POLR1A: variants seen among roughly 807,000 people sequenced by gnomAD.
POLR1A encodes RNA polymerase I subunit A.
Under a neutral mutation model 205.3 loss-of-function variants are expected in POLR1A, and 84 were observed. That is an observed-to-expected ratio of 0.41 (90% CI 0.34 to 0.49). POLR1A has a LOEUF of 0.49. Ranked by LOEUF, POLR1A falls within the 20% of genes least tolerant of loss-of-function variation. POLR1A has a pLI of 0.22. For synonymous variants in POLR1A, 799 were observed against 863.7 expected (o/e 0.93, Z 1.31); for missense variants, 1,645 against 2,204.5 (o/e 0.75, Z 5.08).
chr2:86,061,446 C>T (rs1279270364), intron 14 of POLR1A, among the ~76,000 whole-genome samples: 1 of 152,176 alleles, frequency 6.6e-6, no homozygotes, highest in African/African-American at 2.4e-5. Flanking sequence ...TTATTACAAG[C>T]ATTTTGGAAA....
intron 14 of POLR1A, among the ~76,000 whole-genome samples, chr2:86,065,067 A>G (rs1366866959): frequency 6.6e-6 from 1 of 152,138 alleles, no homozygotes; most frequent in African/African-American, 2.4e-5. Flanking sequence ...GAGCCACTGC[A>G]CCAGGCTACT....
At position 86,023,633 on chromosome 2, in the gene POLR1A, A is replaced by C. The variant is rs1490872372; in HGVS notation, c.*3790T>G. ...TTGTACACCGTTGGTGGGAACATAA[A>C]ATGGTGTAGCTGCTGTGGAAAATGG... On this transcript the variant is annotated 3_prime_UTR_variant, in exon 34 of 34. Transcript: ENST00000263857. 6.6e-6 allele frequency: 1 copy of C among 152,230 alleles called. No homozygotes were observed. The highest frequency in any genetic ancestry group is 1.5e-5 in the Non-Finnish European group (1 of 68,048). The allele number at this position is 152,230 out of a possible 1,614,324, so 9.4% of individuals were successfully genotyped here.
intron 27 of POLR1A, among the ~76,000 whole-genome samples, chr2:86,037,676 C>A (rs1399412143): frequency 6.6e-6 from 1 of 152,254 alleles, no homozygotes; most frequent in Non-Finnish European, 1.5e-5. Context: ...CCAGATCCTG[C>A]AACAGATGAG....
At chr2:86,039,189 G>A in intron 26 of POLR1A, 138 bp downstream of exon 26, 1 of 921,118 alleles carries the variant, frequency 1.1e-6, no homozygotes, top group Non-Finnish European at 1.7e-6. Flanking sequence ...CTCAGCACCT[G>A]GCAGAGACAG....
chr2:86,039,428 T>A lies in POLR1A; in HGVS notation c.3775A>T (p.Ile1259Phe). ...GGCACGCTCATCATGGGTGTCTTGA[T>A]GTTGGCGCTGGCCACCATGAGAATC... Reference protein sequence around the residue: ...REILMVASANIKTPMMSVPVL... With the variant: ...REILMVASANFKTPMMSVPVL... Residue 1259 changes from isoleucine to phenylalanine, a missense_variant, in exon 26 of 34, where the codon ATC becomes TTC. This residue lies in a region of POLR1A where 394 missense variants were observed against 468.5 expected (regional missense o/e 0.84). Transcript: ENST00000263857. The A allele has an allele frequency of 6.2e-7, 1 of 1,614,188 alleles. No individual in the cohort carries two copies. Among genetic ancestry groups the A allele is most frequent in the Non-Finnish European group, 8.5e-7 (1 of 1,180,024 alleles).
At chr2:86,039,267 T>C (rs1672555326) in intron 26 of POLR1A, 60 bp downstream of exon 26, 2 of 1,579,246 alleles carry the variant, frequency 1.3e-6, no homozygotes, top group Non-Finnish European at 1.7e-6. Context: ...TCTTCACACA[T>C]GGGGAGGATA....
chr2:86,079,647 C>G (rs1323389285), intron 9 of POLR1A, among the ~76,000 whole-genome samples: 1 of 152,124 alleles, frequency 6.6e-6, no homozygotes, highest in Non-Finnish European at 1.5e-5. Context: ...TCTGCAGCCT[C>G]GACTTCCCTG....
At position 86,089,834 on chromosome 2, in the gene POLR1A, G is replaced by T; in HGVS notation, c.528C>A (p.Ser176=). ...AGTGTTAACTCACATGTGCGCCCTGGGACCCCAGGAGGTTGTTCTGCACAA... is the reference window on the plus strand; with the variant it reads ...AGTGTTAACTCACATGTGCGCCCTGTGACCCCAGGAGGTTGTTCTGCACAA... ...TEIVQNNLLG[S]QGAHVKNVCE... is the part of the protein sequence containing the mutation. The change falls in exon 4 of 34, where the codon TCC becomes TCA. Residue 176 remains serine, a synonymous_variant. Transcript: ENST00000263857. 1 of 1,602,554 alleles carries T rather than the reference G, an allele frequency of 6.2e-7. No individual in the cohort carries two copies. Among genetic ancestry groups the T allele is most frequent in the Non-Finnish European group, 8.6e-7 (1 of 1,169,382 alleles).
intron 16 of POLR1A, among the ~76,000 whole-genome samples, chr2:86,052,044 A>C (rs565044533): frequency 1.1e-4 from 16 of 152,298 alleles, no homozygotes; most frequent in African/African-American, 3.8e-4. Flanking sequence ...TCCTGGGTTC[A>C]AGCAATTCTC....
intron 21 of POLR1A, among the ~76,000 whole-genome samples, chr2:86,044,562 C>G (rs1220756760): frequency 6.6e-6 from 1 of 152,186 alleles, no homozygotes; most frequent in Non-Finnish European, 1.5e-5. Flanking sequence ...GCTGCCACCC[C>G]TAGACCTGGG....
At chr2:86,057,711 AT>A (rs746035427) in intron 14 of POLR1A, among the ~76,000 whole-genome samples, 12 of 152,346 alleles carry the variant, frequency 7.9e-5, no homozygotes, top group Admixed American at 3.3e-4. Flanking sequence ...AAGGCTACAT[AT>A]TGTTTGATAC....
chr2:86,072,796 T>C (rs1368289163), intron 12 of POLR1A, among the ~76,000 whole-genome samples: 2 of 152,150 alleles, frequency 1.3e-5, no homozygotes, highest in Non-Finnish European at 2.9e-5. Context: ...CCTTTTGGCC[T>C]TTCCCCTCCT....
rs979648442 is a variant in POLR1A at position 86,070,708 on chromosome 2, G to A, written c.1612-436C>T. On this transcript the variant is annotated intron_variant, in intron 12 of 33. Coordinates refer to ENST00000263857, the MANE Select transcript of POLR1A (RefSeq NM_015425.6). The surrounding 1 kb of genome is among the most constrained non-coding windows in gnomAD (Gnocchi z 4.4). ...CAGACTTTCGAATCCCCCCCCCGCCGTGATCACATGTGAGTACATTATTCT... is the reference window on the plus strand; with the variant it reads ...CAGACTTTCGAATCCCCCCCCCGCCATGATCACATGTGAGTACATTATTCT... Among the ~76,000 whole-genome samples the A allele has an allele frequency of 6.8e-5, 10 of 146,550 alleles. No homozygotes were observed. The highest frequency in any genetic ancestry group is 2.3e-4 in the African/African-American group (9 of 39,018).
chr2:86,044,132 A>G lies in POLR1A; in HGVS notation c.3135+7T>C. ...CGGCCCCCAGGCTCCGGGATCTAGC[A>G]CACTACCTCGTAGTTGCTGGCCAGG... is the stretch of plus-strand genomic sequence containing the variant. On this transcript the variant is annotated splice_region_variant and intron_variant, in intron 22 of 33. Coordinates refer to ENST00000263857, the MANE Select transcript of POLR1A (RefSeq NM_015425.6). 1 of 1,613,872 alleles carries G rather than the reference A, an allele frequency of 6.2e-7. No homozygotes were observed. The highest frequency in any genetic ancestry group is 8.5e-7 in the Non-Finnish European group (1 of 1,179,884).
At chr2:86,086,893 A>C (rs1381579549) in intron 6 of POLR1A, among the ~76,000 whole-genome samples, 1 of 152,248 alleles carries the variant, frequency 6.6e-6, no homozygotes, top group African/African-American at 2.4e-5. Context: ...TAATACAAGA[A>C]AATTGTTTTG....
At chr2:86,050,626 C>A (rs911085223) in intron 16 of POLR1A, among the ~76,000 whole-genome samples, 4 of 152,210 alleles carry the variant, frequency 2.6e-5, no homozygotes, top group Non-Finnish European at 5.9e-5. Flanking sequence ...GCTCTTTGTA[C>A]CATGCACTAA....
chr2:86,064,175 C>A (rs311561), intron 14 of POLR1A, among the ~76,000 whole-genome samples: 135,970 of 152,064 alleles, frequency 0.89, 61,123 homozygotes, highest in East Asian at 0.98. Flanking sequence ...TTTTTTTTGC[C>A]AACAGGTGAA....
At chr2:86,094,350 T>G (rs1048032946) in intron 3 of POLR1A, among the ~76,000 whole-genome samples, 1 of 152,246 alleles carries the variant, frequency 6.6e-6, no homozygotes, top group Non-Finnish European at 1.5e-5. Context: ...CATCATTTAT[T>G]ATGATGCTCA....
intron 21 of POLR1A, among the ~76,000 whole-genome samples, chr2:86,044,513 T>TAGG (rs1400363770): frequency 6.6e-6 from 1 of 152,182 alleles, no homozygotes; most frequent in Non-Finnish European, 1.5e-5. Context: ...GATGGTTTTC[T>TAGG]AGGAGGAGGA....
Sources: gnomAD v4.1 joint callset for allele counts (sites outside exome capture counted in the v4.1 genomes callset) on GRCh38, gnomAD v4.1.1 for gene constraint, gnomAD v4.1.1 regional missense constraint, Gnocchi (gnomAD v3.1) non-coding constraint, MANE v1.5 for transcripts, NCBI Gene and HGNC (gene_info 2026-07-23, HGNC 2026-07-21) for gene names.